EDEM1: variants seen among roughly 807,000 people sequenced by gnomAD.
The protein encoded by EDEM1 is ER degradation enhancing alpha-mannosidase like protein 1.
In EDEM1, 67 loss-of-function variants were observed where a neutral mutation model predicts 74.4. The observed-to-expected ratio is 0.90, with a 90% CI of 0.74 to 1.10. EDEM1 has a LOEUF of 1.10. Among genes scored for constraint, EDEM1 ranks in the 50% least tolerant of loss-of-function variants. The pLI is 0.00. For synonymous variants in EDEM1, 382 were observed against 335.9 expected, an observed-to-expected ratio of 1.14 and a Z score of -1.50; for missense variants, 926 against 851.6, an observed-to-expected ratio of 1.09 and a Z score of -1.09.
Position 5,205,120 on chromosome 3 carries a change from G to A in EDEM1, c.1096G>A (p.Gly366Ser). 6.2e-7 allele frequency: 1 copy of A among 1,614,134 alleles called. No homozygotes were observed. The highest frequency in any genetic ancestry group is 8.5e-7 in the Non-Finnish European group (1 of 1,180,024). ...GHWVGKQSGLGAGLDSFYEYL... is the reference protein window; with the variant it reads ...GHWVGKQSGLSAGLDSFYEYL... Reference sequence around the variant, plus strand: ...CTGGGTTGGAAAGCAGAGTGGCCTGGGTGCCGGGCTGGACTCCTTCTATGA... The same window carrying A: ...CTGGGTTGGAAAGCAGAGTGGCCTGAGTGCCGGGCTGGACTCCTTCTATGA... Residue 366 changes from glycine to serine, a missense_variant, in exon 6 of 12, where the codon GGT becomes AGT. Gly to Ser is a moderately conservative substitution (Grantham distance 56). Transcript: ENST00000256497.
Position 5,215,879 on chromosome 3 carries a change from C to T in EDEM1, c.1935C>T (p.Ile645=), listed in dbSNP as rs147566525. 55 of 1,613,154 alleles carry T rather than the reference C, an allele frequency of 3.4e-5. No homozygotes were observed. The African/African-American group carries it at 5.1e-4, about 15-fold the overall frequency. ...ERRYSLPLKS[I]YMRQIDQMVG... is the part of the protein sequence containing the mutation. ...GGTACTCCCTGCCCTTAAAGAGCAT[C>T]TACATGCGACAGATTGACCAGATGG... Residue 645 remains isoleucine (I), a synonymous_variant, in exon 12 of 12, where the codon ATC becomes ATT. Coordinates refer to ENST00000256497, the MANE Select transcript of EDEM1 (RefSeq NM_014674.3).
intron 3 of EDEM1, among the ~76,000 whole-genome samples, chr3:5,201,447 G>T (rs1308175026): frequency 6.6e-6 from 1 of 152,144 alleles, no homozygotes; most frequent in Non-Finnish European, 1.5e-5. Context: ...ACCGCACCCA[G>T]CCAACTCCCT....
chr3:5,202,210 T>C (rs956046747), intron 4 of EDEM1, among the ~76,000 whole-genome samples: 3 of 152,222 alleles, frequency 2.0e-5, no homozygotes, highest in Non-Finnish European at 4.4e-5. Flanking sequence ...TCCATTTACA[T>C]GTGTGATTTA....
chr3:5,211,985 G>A (rs78491239), intron 10 of EDEM1, among the ~76,000 whole-genome samples: 2,186 of 152,232 alleles, frequency 0.014, 89 homozygotes, highest in East Asian at 0.09. Flanking sequence ...AGATAGCATG[G>A]CAACTGAGAA....
rs577935896 is a variant in EDEM1 at position 5,204,306 on chromosome 3, C to T, written c.1043-761C>T. ...CAGATCATTTGTTTCCAGGTTGTTG[C>T]CTTGCATTCATAATGACCACTTTTG... On this transcript the variant is annotated intron_variant, in intron 5 of 11. Coordinates refer to ENST00000256497, the MANE Select transcript of EDEM1 (RefSeq NM_014674.3). Among the ~76,000 whole-genome samples the T allele has an allele frequency of 2.0e-5, 3 of 151,946 alleles. No homozygotes were observed. The South Asian group carries it at 6.2e-4, about 32-fold the overall frequency.
chr3:5,205,055 T>C lies in EDEM1; in HGVS notation c.1043-12T>C, dbSNP rs772168743. 1.2e-6 allele frequency: 2 copies of C among 1,612,978 alleles called. No homozygotes were observed. The highest frequency in any genetic ancestry group is 1.7e-6 in the Non-Finnish European group (2 of 1,179,422). On this transcript the variant is annotated splice_polypyrimidine_tract_variant and intron_variant, in intron 5 of 11. Transcript: ENST00000256497. ...ACAGCTGGGACCTCAAGTGCCTTGT[T>C]TATTTTTGCAGGCAATGTCGTGAAC...
rs2055272530 is a variant in EDEM1, at chr3:5,218,684, T to C, written c.*2766T>C. ...TAGTTGGCTTGACAAAGCATAATTC[T>C]CTCATAACAAACTTTCAAATCATTA... On this transcript the variant is annotated 3_prime_UTR_variant, in exon 12 of 12. Transcript: ENST00000256497. The C allele has an allele frequency of 6.6e-6, 1 of 152,158 alleles. No individual in the cohort carries two copies. Among genetic ancestry groups the C allele is most frequent in the Non-Finnish European group, 1.5e-5 (1 of 68,042 alleles). The allele number at this position is 152,158 out of a possible 1,614,324, so 9.4% of individuals were successfully genotyped here.
chr3:5,195,637 A>C (rs533399424), intron 2 of EDEM1, among the ~76,000 whole-genome samples: 8 of 152,338 alleles, frequency 5.3e-5, no homozygotes, highest in Non-Finnish European at 7.3e-5. Flanking sequence ...GAGAAGATCT[A>C]AGGGTTGGCA....
At chr3:5,204,474 A>G (rs146155803) in intron 5 of EDEM1, among the ~76,000 whole-genome samples, 3,329 of 152,038 alleles carry the variant, frequency 0.022, 63 homozygotes, top group Middle Eastern at 0.065. Context: ...CCCAGGCTCA[A>G]GTGATCCCTG....
intron 2 of EDEM1, among the ~76,000 whole-genome samples, chr3:5,197,135 A>G (rs115190528): frequency 0.022 from 3,243 of 145,402 alleles, 111 homozygotes; most frequent in African/African-American, 0.079. Flanking sequence ...GTTGTTCACC[A>G]TACTCTCCCC....
chr3:5,210,665 CAT>C (rs970165751), intron 9 of EDEM1, among the ~76,000 whole-genome samples: 3 of 151,130 alleles, frequency 2.0e-5, no homozygotes, highest in African/African-American at 7.3e-5. Flanking sequence ...ATATAAGAAA[CAT>C]ACTCTATATT....
chr3:5,219,220 G>A lies in EDEM1; in HGVS notation c.*3302G>A, dbSNP rs929293911. On this transcript the variant is annotated 3_prime_UTR_variant, in exon 12 of 12. Coordinates refer to ENST00000256497, the MANE Select transcript of EDEM1 (RefSeq NM_014674.3). Reference sequence around the variant, plus strand: ...CATGAGACATTCCTTTCTGCTTTCTGGAGGGCACCAGGGGCCTTTCTCTTT... The same window carrying A: ...CATGAGACATTCCTTTCTGCTTTCTAGAGGGCACCAGGGGCCTTTCTCTTT... 1.6e-4 allele frequency: 25 copies of A among 152,154 alleles called. No homozygotes were observed. The highest frequency in any genetic ancestry group is 5.6e-4 in the African/African-American group (23 of 41,436). The allele number at this position is 152,154 out of a possible 1,614,324, so 9.4% of individuals were successfully genotyped here. A position where few individuals can be genotyped will look rare whatever the true frequency, so the allele number is the denominator to read the frequency against.
chr3:5,214,607 T>C (rs1444638229), intron 11 of EDEM1, among the ~76,000 whole-genome samples: 1 of 152,166 alleles, frequency 6.6e-6, no homozygotes, highest in Non-Finnish European at 1.5e-5. Flanking sequence ...TCTAAACGCT[T>C]ACGTACATTA....
At chr3:5,206,838 A>G (rs974592603) in intron 6 of EDEM1, among the ~76,000 whole-genome samples, 4 of 152,342 alleles carry the variant, frequency 2.6e-5, no homozygotes, top group African/African-American at 9.6e-5. Flanking sequence ...GCATAGGCCC[A>G]TACTATATAC....
At chr3:5,196,081 G>C (rs927387695) in intron 2 of EDEM1, among the ~76,000 whole-genome samples, 1 of 152,168 alleles carries the variant, frequency 6.6e-6, no homozygotes, top group Non-Finnish European at 1.5e-5. Context: ...ATATCTTATT[G>C]CAGTCTAGCC....
In EDEM1 at chr3:5,211,126, G is replaced by A; in HGVS notation, c.1590G>A (p.Gly530=). ...CCAGATGATTGTTTTGTAGGTGTGG[G>A]TACGCCACGCTGCATCACGTCATTG... ...SLEKYTKVKC[G]YATLHHVIDK... Residue 530 remains glycine, a synonymous_variant, in exon 10 of 12, where the codon GGG becomes GGA. Transcript: ENST00000256497. 3 of 1,614,066 alleles carry A rather than the reference G, an allele frequency of 1.9e-6. No homozygotes were observed. Among genetic ancestry groups the A allele is most frequent in the Non-Finnish European group, 2.5e-6 (3 of 1,179,994 alleles).
intron 1 of EDEM1, among the ~76,000 whole-genome samples, chr3:5,190,867 T>TA (rs2054894122): frequency 6.6e-6 from 1 of 152,158 alleles, no homozygotes; most frequent in African/African-American, 2.4e-5. Flanking sequence ...TGCTTTTTTT[T>TA]AAATATTTTT....
intron 2 of EDEM1, among the ~76,000 whole-genome samples, chr3:5,197,108 A>G (rs1443348195): frequency 6.7e-5 from 9 of 135,036 alleles, no homozygotes; most frequent in African/African-American, 2.5e-4. Flanking sequence ...TTATCCCTCC[A>G]TCTTGCCTGC....
At chr3:5,191,275 G>C (rs1302213887) in intron 1 of EDEM1, among the ~76,000 whole-genome samples, 1 of 152,162 alleles carries the variant, frequency 6.6e-6, no homozygotes, top group Non-Finnish European at 1.5e-5. Flanking sequence ...CCAGGCTGGA[G>C]TGCAGTGGCA....
Sources: allele counts gnomAD v4.1 joint callset (sites outside exome capture counted in the v4.1 genomes callset), GRCh38; gene constraint gnomAD v4.1.1; transcripts MANE v1.5; gene names NCBI Gene and HGNC (gene_info 2026-07-23, HGNC 2026-07-21).